Variants in HEATR4 observed in about 807,000 individuals in gnomAD.
HEATR4 encodes the protein HEAT repeat containing 4, also known as HEAT repeat-containing protein 4.
In HEATR4, 95 loss-of-function variants were observed where a neutral mutation model predicts 108.8. That is an observed-to-expected ratio of 0.87 (90% confidence interval 0.74 to 1.04). The LOEUF is 1.04. Among genes scored for constraint, HEATR4 ranks in the 50% least tolerant of loss-of-function variants. The pLI is 0.00. For synonymous variants in HEATR4, 443 were observed against 459.4 expected, an observed-to-expected ratio of 0.96 and a Z score of 0.46; for missense variants, 1,152 against 1,253.8, an observed-to-expected ratio of 0.92 and a Z score of 1.23.
chr14:73,595,856 A>T, the HEATR4 span: 25 of 508,308 alleles, frequency 4.9e-5, no homozygotes, highest in Middle Eastern at 2.3e-3. Flanking sequence ...GAGGCATATG[A>T]CACATATAAG....
rs545626341 is a variant in HEATR4, at chr14:73,522,258, C to T, written c.881+14G>A. Reference sequence around the variant, plus strand: ...GGATTATCAAAGGTGCACTTGAGGCCCTGGCCAGTATACCTGTAGTAAACG... The same window carrying T: ...GGATTATCAAAGGTGCACTTGAGGCTCTGGCCAGTATACCTGTAGTAAACG... On this transcript the variant is annotated intron_variant, in intron 3 of 17. Coordinates refer to ENST00000553558, the MANE Select transcript of HEATR4 (RefSeq NM_001220484.1). 6.2e-7 allele frequency: 1 copy of T among 1,609,370 alleles called. No homozygotes were observed. The highest frequency in any genetic ancestry group is 1.3e-5 in the African/African-American group (1 of 74,908).
At chr14:73,507,931 G>A (rs1265906015) in intron 9 of HEATR4, among the ~76,000 whole-genome samples, 2 of 152,082 alleles carry the variant, frequency 1.3e-5, no homozygotes, top group South Asian at 2.1e-4. Context: ...TTTTAGTAGA[G>A]ATGAGGTTTC....
At chr14:73,622,452 G>A in the HEATR4 span, among the ~76,000 whole-genome samples, 15 of 152,272 alleles carry the variant, frequency 9.9e-5, no homozygotes, top group East Asian at 7.7e-4. Context: ...GCCCAGCCTG[G>A]AGTTCAGTGG....
Position 73,500,703 on chromosome 14 carries a change from C to T in HEATR4, c.2133G>A (p.Gln711=). ...IRVKLGQGNS[Q]ERVEALYLIG... ...TCAGGTAGAGAGCTTCCACACGCTC[C>T]TGGGAATTTCCTTGACCTAGCTTGA... Residue 711 remains glutamine, a synonymous_variant, in exon 12 of 18, where the codon CAG becomes CAA. Transcript: ENST00000553558. 1 of 1,614,044 alleles carries T rather than the reference C, an allele frequency of 6.2e-7. No homozygotes were observed. The highest frequency in any genetic ancestry group is 8.5e-7 in the Non-Finnish European group (1 of 1,179,946).
At chr14:73,611,844 A>T in the HEATR4 span, among the ~76,000 whole-genome samples, 1 of 152,092 alleles carries the variant, frequency 6.6e-6, no homozygotes, top group Admixed American at 6.6e-5. Context: ...CCCTGGAAAA[A>T]AGGCTTGGTA....
At chr14:73,604,762 C>T in the HEATR4 span, among the ~76,000 whole-genome samples, 1 of 152,198 alleles carries the variant, frequency 6.6e-6, no homozygotes, top group African/African-American at 2.4e-5. Flanking sequence ...GCTGGGATTA[C>T]AGGCGAGAGC....
At chr14:73,593,697 T>C in the HEATR4 span, 1 of 1,599,332 alleles carries the variant, frequency 6.3e-7, no homozygotes, top group Non-Finnish European at 8.5e-7. Flanking sequence ...TATTTTGTTC[T>C]CTAGGACCTG....
the HEATR4 span, chr14:73,573,446 G>GA: frequency 6.2e-7 from 1 of 1,613,780 alleles, no homozygotes. Context: ...GCCTGCTGGA[G>GA]TATCGGGCTA....
At chr14:73,569,664 C>G in the HEATR4 span, 7 of 1,607,502 alleles carry the variant, frequency 4.4e-6, no homozygotes, top group South Asian at 6.6e-5. Context: ...GCCCATGGGG[C>G]TGCTCTGGGC....
intron 17 of HEATR4, among the ~76,000 whole-genome samples, chr14:73,485,584 A>AT (rs1885421183): frequency 6.6e-6 from 1 of 151,900 alleles, no homozygotes; most frequent in African/African-American, 2.4e-5. Flanking sequence ...TGTATTTAAA[A>AT]TTTTTCGGCT....
chr14:73,559,513 T>A (rs1889475375), upstream of HEATR4, among the ~76,000 whole-genome samples: 1 of 151,510 alleles, frequency 6.6e-6, no homozygotes, highest in South Asian at 2.1e-4. Context: ...GCGGATCACC[T>A]GAGGTCAGGA....
the HEATR4 span, among the ~76,000 whole-genome samples, chr14:73,611,885 C>A: frequency 2.6e-5 from 4 of 152,098 alleles, no homozygotes; most frequent in African/African-American, 9.7e-5. Flanking sequence ...CGGATTACGA[C>A]CATGTTTCTC....
chr14:73,537,642 G>A (rs1888908364), intron 1 of HEATR4: 2 of 1,230,126 alleles, frequency 1.6e-6, no homozygotes, highest in Non-Finnish European at 2.1e-6. Context: ...AGCTTCGCGG[G>A]GCTTGAGCCC....
At chr14:73,524,310 A>ATATATATATATATATATAT (rs1555393076) in intron 2 of HEATR4, among the ~76,000 whole-genome samples, 1 of 54,778 alleles carries the variant, frequency 1.8e-5, no homozygotes, top group Non-Finnish European at 3.1e-5. Context: ...AAAAAAAAAA[A>ATATATATATATATATATAT]ATATATATAT....
At chr14:73,616,918 T>G in the HEATR4 span, 2 of 582,326 alleles carry the variant, frequency 3.4e-6, no homozygotes, top group Non-Finnish European at 3.1e-6. Context: ...CCAATCTCCT[T>G]GGCTTCAAAA....
At chr14:73,524,321 A>G in intron 2 of HEATR4, among the ~76,000 whole-genome samples, 1 of 131,344 alleles carries the variant, frequency 7.6e-6, no homozygotes, top group African/African-American at 3.1e-5. Context: ...ATATATATAT[A>G]TATATATATA....
chr14:73,582,158 G>A, the HEATR4 span: 2 of 137,048 alleles, frequency 1.5e-5, no homozygotes, highest in Admixed American at 1.5e-4. Context: ...AAATTAATCA[G>A]GGGAGAAGGG....
rs746303750 is a variant in HEATR4, at chr14:73,498,165, C to T, written c.2536G>A (p.Ala846Thr). The change falls in exon 14 of 18, where the codon GCT becomes ACT. Residue 846 changes from alanine (A) to threonine (T), a missense_variant. By Grantham distance (58) the Ala-to-Thr change is moderately conservative (BLOSUM62 0). Transcript: ENST00000553558. ...LDVLLLENHD[A>T]VLKEMYQTMK... is the part of the protein sequence containing the mutation. Reference sequence around the variant, plus strand: ...AGGTTTAGTGCTTACTTTAGAACAGCATCGTGGTTCTCCAGGAGCAGCACG... The same window carrying T: ...AGGTTTAGTGCTTACTTTAGAACAGTATCGTGGTTCTCCAGGAGCAGCACG... 6 of 1,611,182 alleles carry T rather than the reference C, an allele frequency of 3.7e-6. No individual in the cohort carries two copies. Among genetic ancestry groups the T allele is most frequent in the Non-Finnish European group, 5.1e-6 (6 of 1,178,018 alleles).
chr14:73,479,515 C>G (rs1310600876), intron 17 of HEATR4, among the ~76,000 whole-genome samples: 1 of 148,704 alleles, frequency 6.7e-6, no homozygotes, highest in East Asian at 2.0e-4. Context: ...CTCGGCTCAC[C>G]GCAACCTCTG....
Sources: allele counts gnomAD v4.1 joint callset (sites outside exome capture counted in the v4.1 genomes callset), GRCh38; gene constraint gnomAD v4.1.1; transcripts MANE v1.5; gene names NCBI Gene and HGNC (gene_info 2026-07-23, HGNC 2026-07-21).